HMGN3: variants seen among roughly 807,000 people sequenced by gnomAD.
HMGN3 encodes the protein high mobility group nucleosome-binding domain-containing protein 3.
HMGN3 carries 6 observed loss-of-function variants against 18.8 expected under a neutral mutation model. The ratio of observed to expected loss-of-function variants is 0.32; its 90% CI spans 0.18 to 0.63. The LOEUF is 0.63. Among genes scored for constraint, HMGN3 ranks in the 30% least tolerant of loss-of-function variants. The pLI is 0.79. For missense variants in HMGN3, 107 were observed against 114.2 expected, an observed-to-expected ratio of 0.94 and a Z score of 0.29; for synonymous variants, 40 against 36.5, an observed-to-expected ratio of 1.10 and a Z score of -0.35.
intron 1 of HMGN3, among the ~76,000 whole-genome samples, chr6:79,224,570 A>G (rs1240595088): frequency 2.0e-5 from 3 of 152,250 alleles, no homozygotes; most frequent in Admixed American, 6.5e-5. Flanking sequence ...GAAACCAAAA[A>G]CATACACCAA....
At chr6:79,234,245 G>A (rs1582460727) in intron 1 of HMGN3, 1 of 327,324 alleles carries the variant, frequency 3.1e-6, no homozygotes, top group East Asian at 4.9e-5. Flanking sequence ...TTTCGGAATG[G>A]AAAGCCGCTT....
exon 5 of HMGN3, chr6:79,202,371 T>A (rs1226632182): frequency 6.2e-7 from 1 of 1,613,752 alleles, no homozygotes; most frequent in Non-Finnish European, 8.5e-7. Context: ...CCTCTGCTAA[T>A]CTTTGCTCCA....
At chr6:79,201,777 T>C (rs766885887) in intron 5 of HMGN3, 51 bp from the exon 7 acceptor site, 5 of 1,587,192 alleles carry the variant, frequency 3.2e-6, no homozygotes, top group Non-Finnish European at 3.4e-6. Flanking sequence ...GAAACTACTA[T>C]AAGCAAAGGA....
intron 1 of HMGN3, among the ~76,000 whole-genome samples, chr6:79,223,466 G>A (rs949022516): frequency 4.6e-5 from 7 of 152,042 alleles, no homozygotes; most frequent in South Asian, 2.1e-4. Flanking sequence ...AGCCGAGATC[G>A]CGCCACTGCA....
chr6:79,219,304 C>A (rs1470786370), intron 1 of HMGN3, among the ~76,000 whole-genome samples: 1 of 152,090 alleles, frequency 6.6e-6, no homozygotes, highest in African/African-American at 2.4e-5. Flanking sequence ...GAGTACTATT[C>A]AAGGAGTTGA....
chr6:79,212,288 G>A (rs2127821655), intron 2 of HMGN3, among the ~76,000 whole-genome samples: 1 of 152,310 alleles, frequency 6.6e-6, no homozygotes, highest in African/African-American at 2.4e-5. Flanking sequence ...ATGTTTCTCT[G>A]AGAACTTTGC....
chr6:79,216,183 C>T (rs1776973217), intron 1 of HMGN3, among the ~76,000 whole-genome samples: 2 of 152,142 alleles, frequency 1.3e-5, no homozygotes, highest in Admixed American at 6.5e-5. Flanking sequence ...AATTTTGGTA[C>T]CTGGACTCAG....
chr6:79,202,054 AC>A lies in HMGN3; in HGVS notation c.261+221del. On this transcript the variant is annotated intron_variant, in intron 5 of 5. Transcript: ENST00000344726. Reference sequence around the variant, plus strand: ...GCAAACATGCAGAATTTTCTACTGTACCCTTAACTCTCACTGTTTCAATCTG... The same window carrying A: ...GCAAACATGCAGAATTTTCTACTGTACCTTAACTCTCACTGTTTCAATCTG... 1 of 1,535,952 alleles carries A rather than the reference AC, an allele frequency of 6.5e-7. No homozygotes were observed. The highest frequency in any genetic ancestry group is 1.2e-5 in the South Asian group (1 of 84,038).
At chr6:79,223,607 G>A (rs1234442749) in intron 1 of HMGN3, among the ~76,000 whole-genome samples, 1 of 152,192 alleles carries the variant, frequency 6.6e-6, no homozygotes, top group Admixed American at 6.5e-5. Flanking sequence ...TTGGGAGGCT[G>A]AAGTGTGGGA....
intron 1 of HMGN3, among the ~76,000 whole-genome samples, chr6:79,230,730 G>C (rs1388282888): frequency 6.6e-6 from 1 of 151,946 alleles, no homozygotes; most frequent in African/African-American, 2.4e-5. Context: ...AGTGATATGT[G>C]GTACAAATAT....
chr6:79,221,994 GAGTT>G (rs1777314970), intron 1 of HMGN3, among the ~76,000 whole-genome samples: 1 of 146,282 alleles, frequency 6.8e-6, no homozygotes, highest in Non-Finnish European at 1.5e-5. Context: ...TTACTTCTAA[GAGTT>G]TAAGTGACAA....
At chr6:79,219,062 G>A (rs1777140804) in intron 1 of HMGN3, among the ~76,000 whole-genome samples, 1 of 152,134 alleles carries the variant, frequency 6.6e-6, no homozygotes, top group African/African-American at 2.4e-5. Flanking sequence ...GGAAGGCAAA[G>A]ACATAATGAC....
At position 79,234,539 on chromosome 6, in the gene HMGN3, GACTT is replaced by G; in HGVS notation, c.15+3_15+6del. The G allele has an allele frequency of 6.2e-7, 1 of 1,611,604 alleles. No individual in the cohort carries two copies. The highest frequency in any genetic ancestry group is 8.5e-7 in the Non-Finnish European group (1 of 1,178,168). ...GGCTTTTGAAATCTTTTTTTGGTAA[GACTT>G]ACCTTTCTCTTCGGCATAATGACTA... is the stretch of plus-strand genomic sequence containing the variant. On this transcript the variant is annotated splice_donor_5th_base_variant and intron_variant, in intron 1 of 5. Coordinates refer to ENST00000344726, the Ensembl canonical transcript of HMGN3.
intron 3 of HMGN3, among the ~76,000 whole-genome samples, chr6:79,206,794 C>A (rs1372612369): frequency 6.6e-6 from 1 of 152,212 alleles, no homozygotes; most frequent in Non-Finnish European, 1.5e-5. Context: ...CCATTCAATG[C>A]CAGCCTGTGA....
chr6:79,225,399 C>T (rs1777519373), intron 1 of HMGN3, among the ~76,000 whole-genome samples: 1 of 152,048 alleles, frequency 6.6e-6, no homozygotes, highest in Non-Finnish European at 1.5e-5. Flanking sequence ...TCTAGCACAC[C>T]TAAATAAAAA....
Position 79,201,514 on chromosome 6 carries a change from T to C in HMGN3, c.*174A>G, listed in dbSNP as rs1732586016. ...TGATATTTATTTTACTTGAGGATGATGTAAATTTCCAAAAAGCATGACTAT... is the reference window on the plus strand; with the variant it reads ...TGATATTTATTTTACTTGAGGATGACGTAAATTTCCAAAAAGCATGACTAT... On this transcript the variant is annotated 3_prime_UTR_variant, in exon 6 of 6. Coordinates refer to ENST00000344726, the Ensembl canonical transcript of HMGN3. 6 of 555,792 alleles carry C rather than the reference T, an allele frequency of 1.1e-5. No homozygotes were observed. In the East Asian group the frequency reaches 1.1e-4, roughly 10 times the overall value. The allele number at this position is 555,792 out of a possible 1,614,324, so 34.4% of individuals were successfully genotyped here.
intron 3 of HMGN3, among the ~76,000 whole-genome samples, chr6:79,207,535 A>G (rs1776480265): frequency 6.6e-6 from 1 of 152,004 alleles, no homozygotes; most frequent in Non-Finnish European, 1.5e-5. Context: ...GTCCAATTAA[A>G]CCTCCTTCTT....
At chr6:79,216,734 A>G (rs1777006204) in intron 1 of HMGN3, among the ~76,000 whole-genome samples, 1 of 152,164 alleles carries the variant, frequency 6.6e-6, no homozygotes, top group Non-Finnish European at 1.5e-5. Flanking sequence ...AGAGATGGCA[A>G]AATCTTAGTC....
rs1305217667 is a variant in HMGN3 at position 79,219,858 on chromosome 6, G to A, written c.16-4836C>T. ...TTATTCAAATGCTAAATTTTTATCA[G>A]GAACATCTAATCTGTATTTAGAATT... On this transcript the variant is annotated intron_variant, in intron 1 of 5. Coordinates refer to ENST00000344726, the Ensembl canonical transcript of HMGN3. 2.0e-5 allele frequency among the ~76,000 whole-genome samples: 3 copies of A among 152,054 alleles called. No homozygotes were observed. In the East Asian group the frequency reaches 5.8e-4, roughly 29 times the overall value.
Sources: allele counts gnomAD v4.1 joint callset (sites outside exome capture counted in the v4.1 genomes callset), GRCh38; gene constraint gnomAD v4.1.1; transcripts MANE v1.5; gene names NCBI Gene and HGNC (gene_info 2026-07-23, HGNC 2026-07-21).